HDHD2: variants seen among roughly 807,000 people sequenced by gnomAD.
HDHD2 encodes haloacid dehalogenase like hydrolase domain containing 2, also known as haloacid dehalogenase-like hydrolase domain-containing protein 2.
A neutral mutation model predicts 24.8 loss-of-function variants in HDHD2; 26 were observed. The observed-to-expected ratio is 1.05, with a 90% CI of 0.77 to 1.45. The LOEUF (loss-of-function observed/expected upper bound fraction) is 1.45. Among genes scored for constraint, HDHD2 ranks in the 40% most tolerant of loss-of-function variants. The pLI is 0.00. For missense variants in HDHD2, 299 were observed against 313.4 expected (o/e 0.95, Z 0.35); for synonymous variants, 128 against 114.9 (o/e 1.11, Z -0.73).
intron 1 of HDHD2, among the ~76,000 whole-genome samples, chr18:47,142,288 A>AT (rs1417163302): frequency 6.6e-6 from 1 of 151,848 alleles, no homozygotes; most frequent in Non-Finnish European, 1.5e-5. Flanking sequence ...TAAAAAAAAA[A>AT]AAGTTTGTAG....
At position 47,130,286 on chromosome 18, in the gene HDHD2, G is replaced by A. The variant is rs371196802; in HGVS notation, c.353C>T (p.Ala118Val). 4.4e-6 allele frequency: 7 copies of A among 1,608,264 alleles called. No homozygotes were observed. In the African/African-American group the frequency reaches 9.4e-5, roughly 22 times the overall value. ...SDPNAVVMGLAPEHFHYQILN... is the reference protein window; with the variant it reads ...SDPNAVVMGLVPEHFHYQILN... ...AATTTGATAATGAAAATGTTCTGGT[G>A]CCAATCCCATGACCACAGCATTAGG... Residue 118 changes from alanine (A) to valine (V), a missense_variant, in exon 4 of 7, where the codon GCA becomes GTA. Transcript: ENST00000300605.
chr18:47,132,275 CATT>C (rs1427759957), intron 3 of HDHD2, among the ~76,000 whole-genome samples: 2 of 152,122 alleles, frequency 1.3e-5, no homozygotes, highest in Non-Finnish European at 2.9e-5. Flanking sequence ...AACTTTTCAT[CATT>C]ATTTAATTTT....
intron 1 of HDHD2, among the ~76,000 whole-genome samples, chr18:47,140,918 T>C (rs973388177): frequency 6.6e-6 from 1 of 152,152 alleles, no homozygotes; most frequent in African/African-American, 2.4e-5. Context: ...CATAGAGAAT[T>C]TTCTATGTAG....
At chr18:47,115,924 C>G (rs2063555085) in intron 4 of HDHD2, among the ~76,000 whole-genome samples, 1 of 152,144 alleles carries the variant, frequency 6.6e-6, no homozygotes. Context: ...TTTTGCAAAT[C>G]AGGCCATCTT....
rs2063488146 is a variant in HDHD2 at position 47,108,099 on chromosome 18, G to T, written c.*583C>A. 1 of 152,610 alleles carries T rather than the reference G, an allele frequency of 6.6e-6. No individual in the cohort carries two copies. Among genetic ancestry groups the T allele is most frequent in the Admixed American group, 6.5e-5 (1 of 15,272 alleles). The allele number at this position is 152,610 out of a possible 1,614,324, so 9.5% of individuals were successfully genotyped here. On this transcript the variant is annotated 3_prime_UTR_variant, in exon 7 of 7. Coordinates refer to ENST00000300605, the MANE Select transcript of HDHD2 (RefSeq NM_032124.5). ...CTCTGGCTAATGAAGAGAAAAAGAA[G>T]TCACCCGTGCTGGGAATACAGTAGA...
intron 4 of HDHD2, among the ~76,000 whole-genome samples, chr18:47,118,940 A>G (rs1462250976): frequency 1.3e-5 from 2 of 152,224 alleles, no homozygotes; most frequent in Non-Finnish European, 1.5e-5. Context: ...TCAGCTGCAG[A>G]CCATTGCAAT....
chr18:47,110,161 T>G, intron 6 of HDHD2: 1 of 985,446 alleles, frequency 1.0e-6, no homozygotes, highest in Non-Finnish European at 1.2e-6. Flanking sequence ...TACAACTACT[T>G]TAAGAGGCTT....
intron 6 of HDHD2, among the ~76,000 whole-genome samples, chr18:47,112,336 T>G (rs950726473): frequency 6.6e-6 from 1 of 151,950 alleles, no homozygotes; most frequent in South Asian, 2.1e-4. Context: ...CACAGCTAGT[T>G]AGTGCAGAGC....
At chr18:47,130,463 C>T (rs192031515) in intron 3 of HDHD2, 135 bp from the exon 4 acceptor site, 24 of 603,452 alleles carry the variant, frequency 4.0e-5, no homozygotes, top group African/African-American at 3.0e-4. Flanking sequence ...TTATCCTGCC[C>T]AGTGTACTTT....
At chr18:47,147,937 G>A (rs1041007660) in intron 1 of HDHD2, among the ~76,000 whole-genome samples, 2 of 151,536 alleles carry the variant, frequency 1.3e-5, no homozygotes, top group Admixed American at 6.6e-5. Context: ...CCACTAACTT[G>A]ATCACTTGAT....
At chr18:47,123,088 A>G (rs1029166493) in intron 4 of HDHD2, among the ~76,000 whole-genome samples, 3 of 152,176 alleles carry the variant, frequency 2.0e-5, no homozygotes, top group Non-Finnish European at 2.9e-5. Context: ...AAATAAAAAG[A>G]AATTTAACTC....
chr18:47,139,923 T>C (rs1482377142), intron 1 of HDHD2, among the ~76,000 whole-genome samples: 1 of 152,222 alleles, frequency 6.6e-6, no homozygotes, highest in Admixed American at 6.5e-5. Context: ...TGAAATTCCA[T>C]GTATCTACCT....
intron 6 of HDHD2, among the ~76,000 whole-genome samples, 158 bp downstream of exon 6, chr18:47,112,819 A>G (rs2571015): frequency 0.091 from 13,845 of 152,262 alleles, 832 homozygotes; most frequent in Non-Finnish European, 0.14. Context: ...GGCCCTTCCC[A>G]ATTGTTTCCT....
chr18:47,118,013 C>T (rs1254114291), intron 4 of HDHD2, among the ~76,000 whole-genome samples: 1 of 151,328 alleles, frequency 6.6e-6, no homozygotes, highest in Non-Finnish European at 1.5e-5. Context: ...ATAATAATTA[C>T]ATATATATAA....
intron 1 of HDHD2, among the ~76,000 whole-genome samples, chr18:47,136,795 A>G (rs945389300): frequency 2.0e-5 from 3 of 152,236 alleles, no homozygotes; most frequent in African/African-American, 7.2e-5. Context: ...AATGTACTCC[A>G]AAGAATGGGT....
At chr18:47,124,328 C>T (rs919507279) in intron 4 of HDHD2, among the ~76,000 whole-genome samples, 3 of 152,254 alleles carry the variant, frequency 2.0e-5, no homozygotes, top group Admixed American at 1.3e-4. Flanking sequence ...TCTTCTCATA[C>T]TATTAAGAGA....
intron 4 of HDHD2, among the ~76,000 whole-genome samples, chr18:47,116,676 A>T (rs1449978836): frequency 6.6e-6 from 1 of 152,198 alleles, no homozygotes; most frequent in Admixed American, 6.5e-5. Context: ...TTGGCTTTAA[A>T]GACCTAGAGC....
At chr18:47,142,858 CTCAGATGAAGAAATTACTA>C (rs2063832237) in intron 1 of HDHD2, among the ~76,000 whole-genome samples, 1 of 152,112 alleles carries the variant, frequency 6.6e-6, no homozygotes, top group African/African-American at 2.4e-5. Flanking sequence ...AATGATGGTG[CTCAGATGAAGAAATTACTA>C]ACAAAGATTT....
intron 1 of HDHD2, chr18:47,137,201 T>C (rs1339573343): frequency 3.0e-6 from 2 of 668,606 alleles, no homozygotes; most frequent in East Asian, 3.0e-5. Flanking sequence ...GAGATTCCAA[T>C]TTGATGGGCA....
Sources: gnomAD v4.1 joint callset for allele counts (sites outside exome capture counted in the v4.1 genomes callset) on GRCh38, gnomAD v4.1.1 for gene constraint, MANE v1.5 for transcripts, NCBI Gene and HGNC (gene_info 2026-07-23, HGNC 2026-07-21) for gene names.